Variants in GABRB3 observed in about 807,000 individuals in gnomAD.
GABRB3 encodes the protein gamma-aminobutyric acid type A receptor subunit beta3.
A neutral mutation model predicts 52.1 loss-of-function variants in GABRB3; 14 were observed. The ratio of observed to expected loss-of-function variants is 0.27; its 90% CI spans 0.18 to 0.42. The LOEUF is 0.42. Among genes scored for constraint, GABRB3 ranks in the 10% least tolerant of loss-of-function variants. The pLI, the probability that GABRB3 is intolerant of heterozygous loss-of-function variation, is 1.00. For synonymous variants in GABRB3, 260 were observed against 232.3 expected (o/e 1.12, Z -1.08); for missense variants, 307 against 609.1 (o/e 0.50, Z 5.22).
At chr15:26,616,687 G>C (rs1409550551) in intron 4 of GABRB3, among the ~76,000 whole-genome samples, 1 of 150,086 alleles carries the variant, frequency 6.7e-6, no homozygotes. Flanking sequence ...ATATAAATTT[G>C]ACTAATGCTT....
chr15:26,708,326 G>A (rs111636964), intron 3 of GABRB3, among the ~76,000 whole-genome samples: 1 of 152,158 alleles, frequency 6.6e-6, no homozygotes, highest in African/African-American at 2.4e-5. Context: ...TCCACAGATG[G>A]CATTTACCAA....
chr15:26,657,831 G>A (rs1013063462), intron 3 of GABRB3, among the ~76,000 whole-genome samples: 4 of 152,118 alleles, frequency 2.6e-5, no homozygotes, highest in African/African-American at 9.7e-5. Flanking sequence ...CTTGGGCCCA[G>A]CCTAACTAAC....
In GABRB3 at chr15:26,739,708, A is replaced by G. The variant is rs974495944; in HGVS notation, c.240+32694T>C. ...TTTTATTGATACATAATAGATGTGT[A>G]TATTTGGGGGGATATATGTGATATT... is the stretch of plus-strand genomic sequence containing the variant. On this transcript the variant is annotated intron_variant, in intron 3 of 8. Transcript: ENST00000311550. 6.6e-5 allele frequency among the ~76,000 whole-genome samples: 10 copies of G among 152,200 alleles called. No individual in the cohort carries two copies. In the East Asian group the frequency reaches 1.9e-3, roughly 29 times the overall value.
chr15:26,686,944 C>T (rs565137897), intron 3 of GABRB3, among the ~76,000 whole-genome samples: 2 of 152,264 alleles, frequency 1.3e-5, no homozygotes, highest in Non-Finnish European at 2.9e-5. Flanking sequence ...GTGAAACTGA[C>T]AAGCTCAGCA....
At chr15:26,640,590 C>A (rs1021606551) in intron 3 of GABRB3, among the ~76,000 whole-genome samples, 1 of 152,060 alleles carries the variant, frequency 6.6e-6, no homozygotes, top group Non-Finnish European at 1.5e-5. Context: ...GTTAATTGTA[C>A]CTTTTCCTGA....
chr15:26,580,523 TA>T, intron 5 of GABRB3, 67 bp from the exon 6 acceptor site: 1 of 1,596,898 alleles, frequency 6.3e-7, no homozygotes, highest in Non-Finnish European at 8.6e-7. Context: ...CTAAATAAAC[TA>T]TCATTAACAT....
At chr15:26,741,801 G>T (rs1040906706) in intron 3 of GABRB3, among the ~76,000 whole-genome samples, 1 of 151,978 alleles carries the variant, frequency 6.6e-6, no homozygotes, top group Non-Finnish European at 1.5e-5. Context: ...TAGAGATGGG[G>T]GTCTCGCTAT....
chr15:26,736,478 A>C (rs1373940723), intron 3 of GABRB3, among the ~76,000 whole-genome samples: 1 of 152,246 alleles, frequency 6.6e-6, no homozygotes, highest in Non-Finnish European at 1.5e-5. Context: ...CTGTCTTGAG[A>C]AGTACTCCTT....
At chr15:26,773,269 C>T (rs1891211566), upstream of GABRB3, among the ~76,000 whole-genome samples, 1 of 150,176 alleles carries the variant, frequency 6.7e-6, no homozygotes, top group African/African-American at 2.4e-5. Flanking sequence ...CTGGGCGCTC[C>T]CCTCCCGCCT....
rs1197975238 is a variant in GABRB3, at chr15:26,567,723, A to G, written c.693T>C (p.Pro231=). ...RNVVFATGAY[P]RLSLSFRLKR... ...TCAACCGAAAGCTCAGTGACAGTCG[A>G]GGATAGGCACCTATGGGAAACAGAC... The change falls in exon 7 of 9, where the codon CCT becomes CCC. Residue 231 remains proline (P), a synonymous_variant. Coordinates refer to ENST00000311550, the MANE Select transcript of GABRB3 (RefSeq NM_000814.6). 1.2e-6 allele frequency: 2 copies of G among 1,613,966 alleles called. No individual in the cohort carries two copies. Among genetic ancestry groups the G allele is most frequent in the Admixed American group, 1.7e-5 (1 of 60,016 alleles).
intron 3 of GABRB3, among the ~76,000 whole-genome samples, chr15:26,766,948 T>C (rs965005005): frequency 2.0e-5 from 3 of 152,182 alleles, no homozygotes; most frequent in African/African-American, 7.2e-5. Flanking sequence ...AAAAGCATTC[T>C]CATTTTGCTC....
chr15:26,707,675 C>T (rs900255496), intron 3 of GABRB3, among the ~76,000 whole-genome samples: 1 of 152,110 alleles, frequency 6.6e-6, no homozygotes, highest in African/African-American at 2.4e-5. Flanking sequence ...GGTTCACTGC[C>T]CCAGGCTAAG....
At chr15:26,552,728 T>A (rs1016596303) in intron 8 of GABRB3, among the ~76,000 whole-genome samples, 1 of 152,198 alleles carries the variant, frequency 6.6e-6, no homozygotes, top group South Asian at 2.1e-4. Flanking sequence ...GCTTGTCCAC[T>A]GGTCTTTATC....
chr15:26,591,016 G>A (rs910710073), intron 4 of GABRB3, among the ~76,000 whole-genome samples: 2 of 152,146 alleles, frequency 1.3e-5, no homozygotes, highest in Non-Finnish European at 2.9e-5. Context: ...AGAGTCTGCT[G>A]GTTTCAGGAG....
chr15:26,729,391 G>T (rs1232345237), intron 3 of GABRB3, among the ~76,000 whole-genome samples: 1 of 152,004 alleles, frequency 6.6e-6, no homozygotes, highest in East Asian at 1.9e-4. Flanking sequence ...ACCCAAGAAG[G>T]CTGGGGAGGA....
rs1218960637 is a variant in GABRB3 at position 26,545,042 on chromosome 15, T to G, written c.*2751A>C. The G allele has an allele frequency of 1.3e-5, 2 of 152,660 alleles. No homozygotes were observed. Among genetic ancestry groups the G allele is most frequent in the Non-Finnish European group, 2.9e-5 (2 of 68,050 alleles). 9.5% of individuals were successfully genotyped at this position (152,660 alleles called of 1,614,324 possible). A position where few individuals can be genotyped will look rare whatever the true frequency, so the allele number is the denominator to read the frequency against. On this transcript the variant is annotated 3_prime_UTR_variant, in exon 9 of 9. Coordinates refer to ENST00000311550, the MANE Select transcript of GABRB3 (RefSeq NM_000814.6). ...TTCTGTTAACACAGTCAGAGTTCTC[T>G]TCTCAATGCTCTCACAAGTTTTAAA...
intron 8 of GABRB3, among the ~76,000 whole-genome samples, chr15:26,552,843 G>C (rs143501943): frequency 6.6e-6 from 1 of 152,174 alleles, no homozygotes; most frequent in African/African-American, 2.4e-5. Context: ...GAGAGGGCCT[G>C]GGAGGGGGGT....
chr15:26,579,240 C>T (rs1057042570), intron 6 of GABRB3, among the ~76,000 whole-genome samples: 2 of 152,168 alleles, frequency 1.3e-5, no homozygotes, highest in Non-Finnish European at 2.9e-5. Context: ...GGTCCCTCCT[C>T]AGGGAGGTGT....
intron 3 of GABRB3, among the ~76,000 whole-genome samples, chr15:26,701,509 AAT>A (rs572591754): frequency 2.2e-4 from 34 of 152,360 alleles, no homozygotes; most frequent in African/African-American, 6.0e-4. Context: ...AAAAATAAGA[AAT>A]AGAGATGAAT....
Sources: allele counts gnomAD v4.1 joint callset (sites outside exome capture counted in the v4.1 genomes callset), GRCh38; gene constraint gnomAD v4.1.1; transcripts MANE v1.5; gene names NCBI Gene and HGNC (gene_info 2026-07-23, HGNC 2026-07-21).